B3GALT1: variants seen among roughly 807,000 people sequenced by gnomAD.
B3GALT1 encodes UDP-Gal:betaGlcNAc beta 1,3-galactosyltransferase, polypeptide 1.
In B3GALT1, 10 loss-of-function variants were observed where a neutral mutation model predicts 23.2. The observed-to-expected ratio is 0.43, with a 90% CI of 0.27 to 0.73. The LOEUF (loss-of-function observed/expected upper bound fraction) is 0.73, where lower values mean the gene tolerates loss of function less well. B3GALT1 is among the 30% of genes least tolerant of loss of function. B3GALT1 has a pLI of 0.21. For missense variants in B3GALT1, 299 were observed against 405.4 expected, an observed-to-expected ratio of 0.74 and a Z score of 2.25; for synonymous variants, 156 against 141.5, an observed-to-expected ratio of 1.10 and a Z score of -0.73.
chr2:167,574,929 T>A (rs1421463543), intron 2 of B3GALT1, among the ~76,000 whole-genome samples: 1 of 151,674 alleles, frequency 6.6e-6, no homozygotes, highest in African/African-American at 2.4e-5. Flanking sequence ...AAACCGTGTC[T>A]CCCCTAACAT....
chr2:167,472,941 G>C (rs1559107778), intron 1 of B3GALT1, among the ~76,000 whole-genome samples: 1 of 152,058 alleles, frequency 6.6e-6, no homozygotes, highest in Non-Finnish European at 1.5e-5. Flanking sequence ...AAAAGTGAAG[G>C]AATGTTAAGT....
chr2:167,445,020 C>A (rs1698958237), intron 1 of B3GALT1, among the ~76,000 whole-genome samples: 1 of 152,184 alleles, frequency 6.6e-6, no homozygotes, highest in Non-Finnish European at 1.5e-5. Context: ...AAATTTCCCT[C>A]TACACACTGC....
intron 1 of B3GALT1, among the ~76,000 whole-genome samples, chr2:167,410,180 G>A (rs1375142343): frequency 2.0e-5 from 3 of 151,996 alleles, no homozygotes; most frequent in Non-Finnish European, 4.4e-5. Context: ...ACAGGAACAG[G>A]AAACCAAACA....
chr2:167,545,060 A>C lies in B3GALT1; in HGVS notation c.-410+54783A>C, dbSNP rs535128575. ...TTTTTTTTTTTTTTTTTTTTGAGAC[A>C]GTCTCGCTCTGTCGCCCAGGCTGGA... is the stretch of plus-strand genomic sequence containing the variant. On this transcript the variant is annotated intron_variant, in intron 2 of 4. Coordinates refer to ENST00000392690, the MANE Select transcript of B3GALT1 (RefSeq NM_020981.4). 1.9e-3 allele frequency among the ~76,000 whole-genome samples: 146 copies of C among 77,756 alleles called. 1 individual carries two copies. The highest frequency in any genetic ancestry group is 8.8e-3 in the African/African-American group (142 of 16,142). The allele number at this position is 77,756 out of a possible 152,430, so 51.0% of individuals were successfully genotyped here.
chr2:167,505,267 C>T (rs115719528), intron 2 of B3GALT1, among the ~76,000 whole-genome samples: 1 of 152,052 alleles, frequency 6.6e-6, no homozygotes, highest in Non-Finnish European at 1.5e-5. Context: ...AATTTTGAAC[C>T]ATGTGGATGT....
At chr2:167,669,541 A>C (rs9287886) in intron 3 of B3GALT1, among the ~76,000 whole-genome samples, 57,719 of 152,028 alleles carry the variant, frequency 0.38, 12,443 homozygotes, top group Middle Eastern at 0.56. Context: ...CATGATTTTG[A>C]AGTATATGTA....
At chr2:167,295,747 C>T (rs1208285247) in intron 1 of B3GALT1, among the ~76,000 whole-genome samples, 2 of 149,278 alleles carry the variant, frequency 1.3e-5, no homozygotes, top group Non-Finnish European at 3.0e-5. Context: ...CCTTTGTGCT[C>T]ATTTTAAGGT....
chr2:167,592,425 C>T (rs938055863), intron 2 of B3GALT1, among the ~76,000 whole-genome samples: 10 of 152,128 alleles, frequency 6.6e-5, no homozygotes, highest in Non-Finnish European at 1.5e-4. Flanking sequence ...TCTTTATCAG[C>T]CCACTTTCTA....
At chr2:167,764,236 A>G (rs1400474086) in intron 3 of B3GALT1, among the ~76,000 whole-genome samples, 1 of 152,220 alleles carries the variant, frequency 6.6e-6, no homozygotes, top group Non-Finnish European at 1.5e-5. Context: ...AATAATGCAC[A>G]TTGGGTTACC....
chr2:167,865,964 C>T (rs1215876990), intron 4 of B3GALT1, among the ~76,000 whole-genome samples: 1 of 151,904 alleles, frequency 6.6e-6, no homozygotes, highest in Non-Finnish European at 1.5e-5. Context: ...AATCTCTCAA[C>T]CCACCCTCCC....
At chr2:167,652,053 A>G (rs1323582273) in intron 3 of B3GALT1, among the ~76,000 whole-genome samples, 3 of 152,118 alleles carry the variant, frequency 2.0e-5, no homozygotes, top group African/African-American at 7.2e-5. Flanking sequence ...CACAAGAGCC[A>G]CCCCAGGGGT....
intron 1 of B3GALT1, among the ~76,000 whole-genome samples, chr2:167,424,273 G>A (rs1698591029): frequency 6.6e-6 from 1 of 152,116 alleles, no homozygotes; most frequent in Admixed American, 6.5e-5. Flanking sequence ...AGAATAAAAA[G>A]GATTTTGGGA....
chr2:167,450,146 A>C (rs1699064679), intron 1 of B3GALT1, among the ~76,000 whole-genome samples: 1 of 152,094 alleles, frequency 6.6e-6, no homozygotes, highest in South Asian at 2.1e-4. Context: ...TATTTTGTGG[A>C]ATAGTGTCAA....
Position 167,316,093 on chromosome 2 carries a change from C to T in B3GALT1, c.-511+22759C>T, listed in dbSNP as rs540428080. On this transcript the variant is annotated intron_variant, in intron 1 of 4. Coordinates refer to ENST00000392690, the MANE Select transcript of B3GALT1 (RefSeq NM_020981.4). ...CTAGCAGTTATATTTTTTTTTACCA[C>T]TACTGTGAGAACTGATAGAGATAGA... Among the ~76,000 whole-genome samples, 6 of 150,586 alleles carry T rather than the reference C, an allele frequency of 4.0e-5. 1 individual carries two copies. The South Asian group carries it at 1.2e-3, about 31-fold the overall frequency.
intron 1 of B3GALT1, among the ~76,000 whole-genome samples, chr2:167,347,475 T>C (rs1286137174): frequency 6.6e-6 from 1 of 152,196 alleles, no homozygotes; most frequent in Admixed American, 6.5e-5. Flanking sequence ...TCTCTGATTA[T>C]CAGATCATCT....
intron 2 of B3GALT1, among the ~76,000 whole-genome samples, chr2:167,540,028 C>A (rs889549409): frequency 6.6e-6 from 1 of 152,054 alleles, no homozygotes; most frequent in African/African-American, 2.4e-5. Flanking sequence ...TAAAATGAAT[C>A]AATTTAAAGT....
At chr2:167,836,142 C>T (rs1454617879) in intron 4 of B3GALT1, among the ~76,000 whole-genome samples, 2 of 152,322 alleles carry the variant, frequency 1.3e-5, no homozygotes, top group African/African-American at 2.4e-5. Context: ...TCCAAAGTAT[C>T]GCAGTTCCTC....
chr2:167,809,329 A>T (rs1231512800), intron 3 of B3GALT1, among the ~76,000 whole-genome samples: 1 of 152,110 alleles, frequency 6.6e-6, no homozygotes, highest in African/African-American at 2.4e-5. Context: ...GCTGGTGAGG[A>T]GCTGCATTCC....
chr2:167,370,753 C>T (rs1697670584), intron 1 of B3GALT1, among the ~76,000 whole-genome samples: 1 of 152,040 alleles, frequency 6.6e-6, no homozygotes, highest in Admixed American at 6.6e-5. Flanking sequence ...AGTGAAATCT[C>T]GTCTCTACTA....
Sources: allele counts gnomAD v4.1 joint callset (sites outside exome capture counted in the v4.1 genomes callset), GRCh38; gene constraint gnomAD v4.1.1; transcripts MANE v1.5; gene names NCBI Gene and HGNC (gene_info 2026-07-23, HGNC 2026-07-21).